HYCC1: variants seen among roughly 807,000 people sequenced by gnomAD.
HYCC1 encodes the protein hyccin PI4KA lipid kinase complex subunit 1, also known as hyccin.
the HYCC1 span, chr7:22,937,006 G>C: frequency 2.4e-4 from 36 of 152,154 alleles, no homozygotes; most frequent in East Asian, 5.2e-3. Flanking sequence ...TGAATTTAAA[G>C]GCTTAAGGAA....
At chr7:22,964,333 TATA>T in the HYCC1 span, 42 of 827,768 alleles carry the variant, frequency 5.1e-5, no homozygotes, top group South Asian at 4.7e-4. Context: ...CTATTGACAT[TATA>T]ATATAGTGAC....
chr7:22,948,943 G>C, the HYCC1 span, among the ~76,000 whole-genome samples: 1 of 151,908 alleles, frequency 6.6e-6, no homozygotes, highest in Non-Finnish European at 1.5e-5. Flanking sequence ...GTACATGCCA[G>C]AGGTCACTGC....
At chr7:22,961,118 G>A in the HYCC1 span, 6 of 681,180 alleles carry the variant, frequency 8.8e-6, no homozygotes, top group African/African-American at 1.1e-4. Flanking sequence ...TATAACAAGA[G>A]CATGAATACA....
chr7:22,945,903 G>A, the HYCC1 span: 1 of 1,613,906 alleles, frequency 6.2e-7, no homozygotes. Flanking sequence ...AGAAGCTCAA[G>A]ATTCTCACTT....
chr7:22,975,630 T>A, the HYCC1 span, among the ~76,000 whole-genome samples: 1 of 152,236 alleles, frequency 6.6e-6, no homozygotes, highest in African/African-American at 2.4e-5. Context: ...TTTAGCTATA[T>A]ACTATAATCC....
chr7:22,927,991 T>G, the HYCC1 span, among the ~76,000 whole-genome samples: 1 of 152,152 alleles, frequency 6.6e-6, no homozygotes. Context: ...TCCACCATGA[T>G]CAAGTGGGCT....
At chr7:22,929,114 G>T in the HYCC1 span, among the ~76,000 whole-genome samples, 1 of 152,142 alleles carries the variant, frequency 6.6e-6, no homozygotes, top group African/African-American at 2.4e-5. Flanking sequence ...TTAATAAATG[G>T]TGCTGGGAAA....
At chr7:22,922,791 T>A in the HYCC1 span, among the ~76,000 whole-genome samples, 19 of 152,082 alleles carry the variant, frequency 1.2e-4, no homozygotes, top group South Asian at 1.2e-3. Context: ...AAAATAGACT[T>A]TAAAACAAAA....
chr7:22,991,164 T>C, the HYCC1 span: 1 of 1,448,444 alleles, frequency 6.9e-7, no homozygotes, highest in Non-Finnish European at 9.7e-7. Flanking sequence ...AGAAAAATGT[T>C]AACGTTTTGA....
At chr7:22,966,312 A>G in the HYCC1 span, among the ~76,000 whole-genome samples, 1 of 151,936 alleles carries the variant, frequency 6.6e-6, no homozygotes, top group African/African-American at 2.4e-5. Flanking sequence ...TGTTTTTGAG[A>G]TGGAGTTTCC....
At chr7:22,899,588 T>C in the HYCC1 span, among the ~76,000 whole-genome samples, 1 of 152,194 alleles carries the variant, frequency 6.6e-6, no homozygotes, top group South Asian at 2.1e-4. Context: ...GAGAAGAAAG[T>C]GGGCAATGTG....
At chr7:22,968,065 C>T in the HYCC1 span, among the ~76,000 whole-genome samples, 1 of 152,168 alleles carries the variant, frequency 6.6e-6, no homozygotes, top group African/African-American at 2.4e-5. Flanking sequence ...ATCACTACCT[C>T]CATATCTATT....
chr7:22,904,670 G>C, the HYCC1 span, among the ~76,000 whole-genome samples: 1 of 151,624 alleles, frequency 6.6e-6, no homozygotes, highest in Non-Finnish European at 1.5e-5. Flanking sequence ...AAGAGGTTTA[G>C]GGCCAGGCAT....
chr7:22,918,608 T>A, the HYCC1 span, among the ~76,000 whole-genome samples: 1 of 152,134 alleles, frequency 6.6e-6, no homozygotes, highest in South Asian at 2.1e-4. Flanking sequence ...CTGAAGCAAA[T>A]GAAGAATCAC....
chr7:23,007,356 G>A, the HYCC1 span, among the ~76,000 whole-genome samples: 3 of 152,074 alleles, frequency 2.0e-5, no homozygotes. Flanking sequence ...TATTGATGGT[G>A]GACGACTGTC....
the HYCC1 span, among the ~76,000 whole-genome samples, chr7:23,005,502 A>G: frequency 2.0e-5 from 3 of 152,210 alleles, no homozygotes; most frequent in Admixed American, 1.3e-4. Context: ...GCTTCATCAG[A>G]TTCTAATGCC....
At chr7:22,978,389 C>A in the HYCC1 span, 1 of 1,613,980 alleles carries the variant, frequency 6.2e-7, no homozygotes, top group Non-Finnish European at 8.5e-7. Context: ...TAAATTGAAG[C>A]AACTGCTCCT....
At chr7:22,975,806 T>C in the HYCC1 span, among the ~76,000 whole-genome samples, 12 of 152,254 alleles carry the variant, frequency 7.9e-5, no homozygotes, top group South Asian at 2.1e-4. Flanking sequence ...AGCCTCAACC[T>C]CCCGGGCTCA....
At chr7:22,998,963 C>A in the HYCC1 span, among the ~76,000 whole-genome samples, 1 of 152,266 alleles carries the variant, frequency 6.6e-6, no homozygotes, top group East Asian at 1.9e-4. Context: ...TCTTCTCTAC[C>A]TTCCTTTCAC....
Sources: allele counts gnomAD v4.1 joint callset (sites outside exome capture counted in the v4.1 genomes callset), GRCh38; gene constraint gnomAD v4.1.1; transcripts MANE v1.5; gene names NCBI Gene and HGNC (gene_info 2026-07-23, HGNC 2026-07-21).